Variants in ZNF730 observed in about 807,000 individuals in gnomAD.
ZNF730 encodes putative zinc finger protein 730.
In ZNF730, 12 loss-of-function variants were observed where a neutral mutation model predicts 12.6. The observed-to-expected ratio is 0.95, with a 90% CI of 0.61 to 1.54. The LOEUF (loss-of-function observed/expected upper bound fraction) is 1.54. Ranked by LOEUF, ZNF730 falls within the 40% of genes most tolerant of loss-of-function variation. ZNF730 has a pLI of 0.00. For synonymous variants in ZNF730, 194 were observed against 195.8 expected (o/e 0.99, Z 0.08); for missense variants, 643 against 583.5 (o/e 1.10, Z -1.05).
At chr19:23,100,188 G>A (rs1289407963) in intron 1 of ZNF730, 2 of 152,014 alleles carry the variant, frequency 1.3e-5, no homozygotes, top group East Asian at 3.9e-4. Context: ...CTCCTTCCTG[G>A]TCCATGCCCT....
At chr19:23,105,193 C>G (rs980369446) in intron 1 of ZNF730, among the ~76,000 whole-genome samples, 1 of 151,162 alleles carries the variant, frequency 6.6e-6, no homozygotes. Flanking sequence ...TCTCGGCTCA[C>G]TGCATCCTCC....
chr19:23,134,185 T>G lies in ZNF730; in HGVS notation c.109T>G (p.Tyr37Asp). Residue 37 changes from tyrosine to aspartate, a missense_variant, in exon 2 of 4, where the codon TAC (tyrosine) becomes GAC (aspartate). By Grantham distance (160) the Tyr-to-Asp change is radical. Coordinates refer to ENST00000597761, the MANE Select transcript of ZNF730 (RefSeq NM_001277403.2). ...ATATAGAAATGTAATGTTAGATAAC[T>G]ACAGAAACCTGGTCTTCCTGGGTGA... ...NLYRNVMLDN[Y>D]RNLVFLGIAV... 1 of 1,610,046 alleles carries G rather than the reference T, an allele frequency of 6.2e-7. No homozygotes were observed. Among genetic ancestry groups the G allele is most frequent in the Non-Finnish European group, 8.5e-7 (1 of 1,178,204 alleles).
At chr19:23,117,213 G>A in intron 1 of ZNF730, 37 bp downstream of exon 1, 1 of 1,613,622 alleles carries the variant, frequency 6.2e-7, no homozygotes, top group Non-Finnish European at 8.5e-7. Flanking sequence ...GAGAGGGAAC[G>A]GGGCTGGTTG....
intron 1 of ZNF730, among the ~76,000 whole-genome samples, chr19:23,093,075 C>T (rs1276971401): frequency 6.6e-6 from 1 of 152,112 alleles, no homozygotes; most frequent in Non-Finnish European, 1.5e-5. Flanking sequence ...ACTGTAACCT[C>T]CGCCTCCCGG....
At chr19:23,091,458 G>A (rs998931229) in intron 1 of ZNF730, among the ~76,000 whole-genome samples, 2 of 152,162 alleles carry the variant, frequency 1.3e-5, no homozygotes, top group Non-Finnish European at 2.9e-5. Flanking sequence ...CCCACAGCTT[G>A]CACTGTGCAC....
chr19:23,120,916 C>A (rs1446639448), intron 1 of ZNF730, among the ~76,000 whole-genome samples: 6 of 152,082 alleles, frequency 3.9e-5, no homozygotes, highest in Non-Finnish European at 8.8e-5. Context: ...CCATTTGTTT[C>A]AAAAAACTGC....
At chr19:23,125,227 G>A (rs1235786998) in intron 1 of ZNF730, among the ~76,000 whole-genome samples, 2 of 152,100 alleles carry the variant, frequency 1.3e-5, no homozygotes. Context: ...AGCAGTGTGA[G>A]AACAGACTAA....
chr19:23,136,954 A>G (rs569848699), intron 3 of ZNF730, among the ~76,000 whole-genome samples: 63 of 152,108 alleles, frequency 4.1e-4, no homozygotes, highest in Non-Finnish European at 7.1e-4. Flanking sequence ...GTGGATCATG[A>G]GGTCAGGAAT....
chr19:23,136,134 G>A, intron 3 of ZNF730, 91 bp downstream of exon 3: 2 of 958,200 alleles, frequency 2.1e-6, no homozygotes, highest in Non-Finnish European at 2.8e-6. Flanking sequence ...AATTTGGGAA[G>A]CTGTTTTACA....
chr19:23,107,449 CAAAAAA>C (rs57120684), intron 1 of ZNF730, among the ~76,000 whole-genome samples: 16 of 47,320 alleles, frequency 3.4e-4, no homozygotes, highest in South Asian at 1.2e-3. Context: ...AAAAAAATAC[CAAAAAA>C]AAAAAAAAAA....
intron 1 of ZNF730, chr19:23,127,712 CTT>C (rs1222492310): frequency 8.1e-6 from 10 of 1,233,170 alleles, no homozygotes; most frequent in Non-Finnish European, 9.5e-6. Flanking sequence ...AGCAGGATCA[CTT>C]TGAAGATCTA....
At chr19:23,126,732 G>T (rs1245069538) in intron 1 of ZNF730, 1 of 470,118 alleles carries the variant, frequency 2.1e-6, no homozygotes, top group Non-Finnish European at 4.2e-6. Flanking sequence ...TGCAGACTGA[G>T]ATTTTTTTTT....
rs57769795 is a variant in ZNF730 at position 23,144,700 on chromosome 19, C to CAAA, written c.227-557_227-555dup. 2.0e-3 allele frequency among the ~76,000 whole-genome samples: 168 copies of CAAA among 85,766 alleles called. 6 individuals are homozygous for CAAA. The highest frequency in any genetic ancestry group is 0.01 in the South Asian group (18 of 1,784). 56.3% of individuals were successfully genotyped at this position (85,766 alleles called of 152,430 possible). On this transcript the variant is annotated intron_variant, in intron 3 of 3. Coordinates refer to ENST00000597761, the MANE Select transcript of ZNF730 (RefSeq NM_001277403.2). ...GGGTGACAGAGCAAGACTCTTGTCT[C>CAAA]AAAAAAAAAAAAAAAATTAGTAATC... is the stretch of plus-strand genomic sequence containing the variant.
chr19:23,129,512 GC>G (rs1437589139), intron 1 of ZNF730, among the ~76,000 whole-genome samples: 1 of 150,758 alleles, frequency 6.6e-6, no homozygotes, highest in African/African-American at 2.5e-5. Context: ...GGGGCCAGTA[GC>G]CCCTTTGTTT....
intron 1 of ZNF730, among the ~76,000 whole-genome samples, chr19:23,106,791 C>CA (rs538343920): frequency 0.06 from 3,763 of 63,028 alleles, 161 homozygotes; most frequent in African/African-American, 0.17. Context: ...AACTGCGTCT[C>CA]AAAAAAAAAA....
At chr19:23,109,748 C>T (rs1216440835) in intron 1 of ZNF730, among the ~76,000 whole-genome samples, 1 of 152,036 alleles carries the variant, frequency 6.6e-6, no homozygotes, top group East Asian at 1.9e-4. Context: ...AAGGTTTCAC[C>T]ATGTTGGCCA....
At chr19:23,131,996 A>G (rs1176106706) in intron 1 of ZNF730, among the ~76,000 whole-genome samples, 3 of 149,900 alleles carry the variant, frequency 2.0e-5, no homozygotes, top group African/African-American at 7.4e-5. Context: ...GCATAGGAAC[A>G]GGGCAGTGTG....
chr19:23,107,475 A>AAAAAAAAAAAAAAAAAAAC (rs752480467), intron 1 of ZNF730, among the ~76,000 whole-genome samples: 1 of 119,008 alleles, frequency 8.4e-6, no homozygotes, highest in Non-Finnish European at 1.8e-5. Flanking sequence ...AAAAAAAAAA[A>AAAAAAAAAAAAAAAAAAAC]CCACCACAGC....
At chr19:23,095,988 G>A (rs773269427) in intron 1 of ZNF730, among the ~76,000 whole-genome samples, 6 of 152,060 alleles carry the variant, frequency 3.9e-5, no homozygotes, top group Admixed American at 2.0e-4. Context: ...ACAGTGGAGA[G>A]TATGACACTT....
Sources: gnomAD v4.1 joint callset for allele counts (sites outside exome capture counted in the v4.1 genomes callset) on GRCh38, gnomAD v4.1.1 for gene constraint, MANE v1.5 for transcripts, NCBI Gene and HGNC (gene_info 2026-07-23, HGNC 2026-07-21) for gene names.